The following PPEF1 variants were observed in gnomAD, a reference collection of about 807,000 sequenced individuals.
PPEF1 encodes the protein serine/threonine-protein phosphatase with EF-hands 1.
In PPEF1, 12 loss-of-function variants were observed where a neutral mutation model predicts 53.3. The ratio of observed to expected loss-of-function variants is 0.23; its 90% confidence interval spans 0.14 to 0.36. PPEF1 has a LOEUF of 0.36. Among genes scored for constraint, PPEF1 ranks in the 10% least tolerant of loss-of-function variants. The pLI, the probability that PPEF1 is intolerant of heterozygous loss-of-function variation, is 1.00. For missense variants in PPEF1, 334 were observed against 490.4 expected (o/e 0.68, Z 3.01); for synonymous variants, 165 against 176.7 (o/e 0.93, Z 0.52).
At chrX:18,697,340 G>T (rs1267696790) in intron 4 of PPEF1, among the ~76,000 whole-genome samples, 1 of 111,348 alleles carries the variant, frequency 9.0e-6, no homozygotes, top group Non-Finnish European at 1.9e-5. Flanking sequence ...CTTAACATCC[G>T]GGCACCTTTA....
upstream of PPEF1, among the ~76,000 whole-genome samples, chrX:18,704,598 T>C (rs79132856): frequency 0.014 from 1,619 of 111,798 alleles, 32 homozygotes; most frequent in South Asian, 0.16. Context: ...ACAGACTTGA[T>C]ATGACCTCTG....
At chrX:18,708,999 C>A (rs144994143) in intron 1 of PPEF1, among the ~76,000 whole-genome samples, 42 of 109,716 alleles carry the variant, frequency 3.8e-4, no homozygotes, top group Non-Finnish European at 7.6e-5. Context: ...CAAATCCTCT[C>A]TCTTTTTGAA....
chrX:18,720,091 C>T (rs921679904), intron 1 of PPEF1, among the ~76,000 whole-genome samples: 7 of 111,085 alleles, frequency 6.3e-5, no homozygotes, highest in Non-Finnish European at 9.4e-5. Flanking sequence ...AATCTCATCA[C>T]GAGGAAAAGA....
At chrX:18,725,140 C>A (rs1389742768) in intron 1 of PPEF1, among the ~76,000 whole-genome samples, 1 of 111,215 alleles carries the variant, frequency 9.0e-6, no homozygotes, top group Non-Finnish European at 1.9e-5. Flanking sequence ...GAGGTCTTAG[C>A]AGGACCTATT....
chrX:18,785,113 C>T (rs909550766), intron 9 of PPEF1, among the ~76,000 whole-genome samples: 4 of 111,556 alleles, frequency 3.6e-5, no homozygotes, highest in African/African-American at 1.3e-4. Flanking sequence ...CCAGTGGCAC[C>T]TTGACTTCTT....
intron 2 of PPEF1, among the ~76,000 whole-genome samples, chrX:18,730,824 C>T (rs2044820809): frequency 9.1e-6 from 1 of 109,497 alleles, no homozygotes; most frequent in Middle Eastern, 4.7e-3. Context: ...AAGCGATTCT[C>T]CTGCCTCAGC....
In PPEF1 at chrX:18,761,556, CT is replaced by C; in HGVS notation, c.545del (p.Leu182Ter). On this transcript the variant is annotated frameshift_variant, in exon 6 of 16. Transcript: ENST00000470157. LOFTEE classifies it high-confidence loss of function. ...TGATTTGCATGGGAAACTGGATGAT[CT>C]TTTTTTGATCTTCTACAAGGTAAAT... ...CGDLHGKLDD[L>X]FLIFYKNGLP... The C allele has an allele frequency of 8.3e-7, 1 of 1,207,786 alleles. No individual in the cohort carries two copies. Among genetic ancestry groups the C allele is most frequent in the Non-Finnish European group, 1.1e-6 (1 of 892,370 alleles).
At chrX:18,758,330 A>G (rs899508259) in intron 5 of PPEF1, among the ~76,000 whole-genome samples, 4 of 112,274 alleles carry the variant, frequency 3.6e-5, no homozygotes, top group Non-Finnish European at 7.5e-5. Context: ...GGTGCTCAGC[A>G]TGCTTGCAAC....
intron 3 of PPEF1, among the ~76,000 whole-genome samples, chrX:18,744,292 C>T (rs2045274448): frequency 8.9e-6 from 1 of 112,065 alleles, no homozygotes; most frequent in South Asian, 3.7e-4. Context: ...TATCTTGAGA[C>T]ACGTTGGGTA....
intron 14 of PPEF1, 32 bp downstream of exon 14, chrX:18,824,118 G>A (rs1314911862): frequency 6.1e-6 from 7 of 1,149,584 alleles, no homozygotes; most frequent in Non-Finnish European, 7.0e-6. Context: ...CTAAAACCTA[G>A]CCAGGGTGAA....
At chrX:18,745,750 T>C (rs145866808) in intron 3 of PPEF1, among the ~76,000 whole-genome samples, 2 of 112,065 alleles carry the variant, frequency 1.8e-5, no homozygotes, top group Admixed American at 9.6e-5. Flanking sequence ...GGAAGTATCA[T>C]TCCATTCCTA....
chrX:18,772,744 T>C (rs2147551722), intron 6 of PPEF1, among the ~76,000 whole-genome samples: 1 of 112,495 alleles, frequency 8.9e-6, no homozygotes, highest in East Asian at 2.8e-4. Context: ...GCTCAGGATC[T>C]CTCATGAGGT....
At chrX:18,684,920 C>T (rs1929011291) in intron 2 of PPEF1, among the ~76,000 whole-genome samples, 1 of 112,242 alleles carries the variant, frequency 8.9e-6, no homozygotes, top group Non-Finnish European at 1.9e-5. Context: ...AGCCACCACA[C>T]CCGGCAGAGA....
chrX:18,825,839 A>G lies in PPEF1; in HGVS notation c.1750+4A>G. The G allele has an allele frequency of 8.5e-7, 1 of 1,173,605 alleles. No homozygotes were observed. The highest frequency in any genetic ancestry group is 1.2e-6 in the Non-Finnish European group (1 of 867,004). On this transcript the variant is annotated splice_donor_region_variant and intron_variant, in intron 15 of 15. Transcript: ENST00000470157. The stretch of plus-strand genomic sequence containing the variant: ...GCCATTGACACTGATCACTCAGGTA[A>G]ATAAATGAACTTGGATGAGTCCATT...
At chrX:18,821,914 A>T (rs192686041) in intron 13 of PPEF1, among the ~76,000 whole-genome samples, 82 of 111,693 alleles carry the variant, frequency 7.3e-4, no homozygotes, top group African/African-American at 2.6e-3. Context: ...TCAAGAGATG[A>T]GATCAAGCCC....
At position 18,779,011 on chromosome X, in the gene PPEF1, A is replaced by G; in HGVS notation, c.560A>G (p.Asn187Ser). The stretch of plus-strand genomic sequence containing the variant: ...TTTTCCCTTCTCCTCCTTCCACAGA[A>G]TGGTCTCCCCTCAGAGAGGAACCCG... Reference protein sequence around the residue: ...LDDLFLIFYKNGLPSERNPYV... With the variant: ...LDDLFLIFYKSGLPSERNPYV... The change falls in exon 7 of 16, where the codon AAT becomes AGT. Residue 187 changes from asparagine (N) to serine (S), a missense_variant and splice_region_variant. Asn to Ser is a conservative substitution (Grantham distance 46). Coordinates refer to ENST00000470157, the MANE Select transcript of PPEF1 (RefSeq NM_001377996.1). The G allele has an allele frequency of 8.4e-7, 1 of 1,189,956 alleles. No individual in the cohort carries two copies.
intron 3 of PPEF1, among the ~76,000 whole-genome samples, chrX:18,747,860 G>A (rs1038017378): frequency 5.4e-5 from 6 of 112,034 alleles, no homozygotes; most frequent in Admixed American, 4.8e-4. Flanking sequence ...AGTACTGCGG[G>A]TTTTTGTGGG....
chrX:18,750,002 A>G, intron 4 of PPEF1, 50 bp downstream of exon 4: 10 of 1,055,278 alleles, frequency 9.5e-6, no homozygotes, highest in Non-Finnish European at 1.3e-5. Context: ...CAGATGCCCA[A>G]TAACTGTTGA....
At chrX:18,682,609 T>C (rs1437864500), upstream of PPEF1, among the ~76,000 whole-genome samples, 1 of 111,379 alleles carries the variant, frequency 9.0e-6, no homozygotes, top group Non-Finnish European at 1.9e-5. Flanking sequence ...CATTGACTCT[T>C]CAGTTATTTG....
Sources: gnomAD v4.1 joint callset for allele counts (sites outside exome capture counted in the v4.1 genomes callset) on GRCh38, gnomAD v4.1.1 for gene constraint, MANE v1.5 for transcripts, NCBI Gene and HGNC (gene_info 2026-07-23, HGNC 2026-07-21) for gene names.